The following NOX3 variants were observed in gnomAD, a reference collection of about 807,000 sequenced individuals.
NOX3 encodes the protein NADPH oxidase 3, also known as NADPH oxidase catalytic subunit-like 3.
In NOX3, 74 loss-of-function variants were observed where a neutral mutation model predicts 76.7. That is an observed-to-expected ratio of 0.96 (90% CI 0.80 to 1.17). The LOEUF (loss-of-function observed/expected upper bound fraction) is 1.17. NOX3 is among the 50% of genes most tolerant of loss of function. The pLI, the probability that NOX3 is intolerant of heterozygous loss-of-function variation, is 0.00. For missense variants in NOX3, 695 were observed against 703.3 expected, an observed-to-expected ratio of 0.99 and a Z score of 0.13; for synonymous variants, 263 against 261.1, an observed-to-expected ratio of 1.01 and a Z score of -0.07.
At chr6:155,444,782 C>T (rs1439188400) in intron 4 of NOX3, among the ~76,000 whole-genome samples, 1 of 152,162 alleles carries the variant, frequency 6.6e-6, no homozygotes, top group African/African-American at 2.4e-5. Context: ...GGGGTCAGTA[C>T]TATCCCCTGT....
At chr6:155,409,911 G>A (rs1169847900) in intron 11 of NOX3, among the ~76,000 whole-genome samples, 2 of 152,148 alleles carry the variant, frequency 1.3e-5, no homozygotes, top group African/African-American at 4.8e-5. Flanking sequence ...TCTCAGTTAT[G>A]AGAACCTCAG....
intron 9 of NOX3, among the ~76,000 whole-genome samples, chr6:155,423,727 T>C (rs1776721049): frequency 6.6e-6 from 1 of 150,956 alleles, no homozygotes; most frequent in African/African-American, 2.4e-5. Flanking sequence ...GTTTCTGTTC[T>C]TTTCTTTTTC....
chr6:155,407,264 A>T lies in NOX3; in HGVS notation c.1456-10T>A. Reference sequence around the variant, plus strand: ...AAGCTATGTGAAGAGCCTAAAGTAAATTTGTGGCATTAGATGACATTTAGA... The same window carrying T: ...AAGCTATGTGAAGAGCCTAAAGTAATTTTGTGGCATTAGATGACATTTAGA... On this transcript the variant is annotated splice_polypyrimidine_tract_variant and intron_variant, in intron 11 of 13. Coordinates refer to ENST00000159060, the MANE Select transcript of NOX3 (RefSeq NM_015718.3). 1 of 1,606,744 alleles carries T rather than the reference A, an allele frequency of 6.2e-7. No individual in the cohort carries two copies.
At chr6:155,428,731 T>C in intron 9 of NOX3, 63 bp downstream of exon 9, 1 of 1,386,820 alleles carries the variant, frequency 7.2e-7, no homozygotes. Context: ...AGCATGTTGA[T>C]ACATTAAGAT....
At chr6:155,439,439 G>A (rs1323321820) in intron 6 of NOX3, among the ~76,000 whole-genome samples, 2 of 152,092 alleles carry the variant, frequency 1.3e-5, no homozygotes, top group East Asian at 1.9e-4. Context: ...GGTCCTAGAG[G>A]TCAAATGGGG....
chr6:155,432,928 A>G (rs1410476527), intron 7 of NOX3, among the ~76,000 whole-genome samples: 1 of 152,188 alleles, frequency 6.6e-6, no homozygotes, highest in East Asian at 1.9e-4. Context: ...AATGAACCAG[A>G]AAGCTTTTTG....
intron 4 of NOX3, among the ~76,000 whole-genome samples, chr6:155,452,290 A>T (rs1777155516): frequency 6.6e-6 from 1 of 152,124 alleles, no homozygotes; most frequent in Admixed American, 6.5e-5. Flanking sequence ...TTATTCCTTC[A>T]TGCATTCGCT....
At chr6:155,414,619 C>CTTTTTTT (rs1776599820) in intron 10 of NOX3, among the ~76,000 whole-genome samples, 2 of 119,430 alleles carry the variant, frequency 1.7e-5, no homozygotes, top group African/African-American at 7.1e-5. Flanking sequence ...CTTTTCTTTT[C>CTTTTTTT]TTTCTTTTTT....
intron 9 of NOX3, among the ~76,000 whole-genome samples, chr6:155,424,757 T>C (rs1776735178): frequency 1.3e-5 from 2 of 152,176 alleles, no homozygotes; most frequent in Non-Finnish European, 2.9e-5. Context: ...GATTATTCCA[T>C]AAATAATTAC....
At chr6:155,450,670 C>T (rs1777122090) in intron 4 of NOX3, among the ~76,000 whole-genome samples, 1 of 152,176 alleles carries the variant, frequency 6.6e-6, no homozygotes, top group Admixed American at 6.5e-5. Flanking sequence ...ATGGCCATAT[C>T]TCACCCATTT....
intron 11 of NOX3, among the ~76,000 whole-genome samples, chr6:155,410,786 T>C (rs1469733881): frequency 6.6e-6 from 1 of 152,198 alleles, no homozygotes; most frequent in Admixed American, 6.5e-5. Flanking sequence ...TACTTCACAA[T>C]ACAAAATGTT....
intron 7 of NOX3, among the ~76,000 whole-genome samples, chr6:155,433,729 G>A (rs1350432974): frequency 1.4e-5 from 2 of 147,214 alleles, no homozygotes; most frequent in Non-Finnish European, 2.9e-5. Flanking sequence ...AAAGTTCATG[G>A]CCACAGAGTT....
intron 9 of NOX3, among the ~76,000 whole-genome samples, chr6:155,424,955 C>T (rs1776738708): frequency 6.6e-6 from 1 of 152,194 alleles, no homozygotes; most frequent in Admixed American, 6.5e-5. Flanking sequence ...CAAATTTCTA[C>T]ATCTTTAGAA....
At chr6:155,407,288 G>GAAA in intron 11 of NOX3, 34 bp from the exon 12 acceptor site, 2 of 1,440,188 alleles carry the variant, frequency 1.4e-6, no homozygotes, top group South Asian at 1.3e-5. Context: ...ATGACATTTA[G>GAAA]AAAAAAAAAA....
At chr6:155,434,601 G>A (rs1361039044) in intron 7 of NOX3, among the ~76,000 whole-genome samples, 1 of 152,190 alleles carries the variant, frequency 6.6e-6, no homozygotes, top group Non-Finnish European at 1.5e-5. Flanking sequence ...GAGCAAGAAT[G>A]CAGTTCTTTC....
intron 12 of NOX3, among the ~76,000 whole-genome samples, chr6:155,401,745 AT>A (rs1039087007): frequency 3.5e-5 from 5 of 144,670 alleles, no homozygotes; most frequent in Admixed American, 7.2e-5. Context: ...GTACTCTTCT[AT>A]TTTTTTTTCT....
At chr6:155,439,826 A>G (rs1017967361) in intron 6 of NOX3, 130 bp downstream of exon 6, 6 of 638,054 alleles carry the variant, frequency 9.4e-6, no homozygotes, top group African/African-American at 7.4e-5. Context: ...GCCACAGTCA[A>G]TGTGCTTTTC....
intron 12 of NOX3, among the ~76,000 whole-genome samples, chr6:155,403,442 C>G (rs141785083): frequency 2.8e-3 from 422 of 152,186 alleles, no homozygotes; most frequent in African/African-American, 8.7e-3. Context: ...GAGTCTAAGG[C>G]TATTACAAAT....
In NOX3 at chr6:155,445,969, A is replaced by ATATGCTATAT. The variant is rs1380551108; in HGVS notation, c.341-2552_341-2551insATATAGCATA. On this transcript the variant is annotated intron_variant, in intron 4 of 13. Coordinates refer to ENST00000159060, the MANE Select transcript of NOX3 (RefSeq NM_015718.3). ...TAATATATATATGCTATATATATAT[A>ATATGCTATAT]ATATATATATGCTATATATATATAT... Among the ~76,000 whole-genome samples the ATATGCTATAT allele has an allele frequency of 5.9e-4, 57 of 96,672 alleles. 1 individual carries two copies. Among genetic ancestry groups the ATATGCTATAT allele is most frequent in the African/African-American group, 2.3e-3 (55 of 24,018 alleles). 63.4% of individuals were successfully genotyped at this position (96,672 alleles called of 152,430 possible). A position where few individuals can be genotyped will look rare whatever the true frequency, so the allele number is the denominator to read the frequency against.
Sources: allele counts gnomAD v4.1 joint callset (sites outside exome capture counted in the v4.1 genomes callset), GRCh38; gene constraint gnomAD v4.1.1; transcripts MANE v1.5; gene names NCBI Gene and HGNC (gene_info 2026-07-23, HGNC 2026-07-21).